The following GSN variants were observed in gnomAD, a reference collection of about 807,000 sequenced individuals.
The protein encoded by GSN is actin-depolymerizing factor.
Under a neutral mutation model 85.7 loss-of-function variants are expected in GSN, and 56 were observed. The observed-to-expected ratio is 0.65, with a 90% CI of 0.53 to 0.82. The LOEUF (loss-of-function observed/expected upper bound fraction) is 0.82, where lower values mean the gene tolerates loss of function less well. Among genes scored for constraint, GSN ranks in the 40% least tolerant of loss-of-function variants. The pLI is 0.00. For synonymous variants in GSN, 373 were observed against 399.1 expected, an observed-to-expected ratio of 0.93 and a Z score of 0.78; for missense variants, 857 against 979.8, an observed-to-expected ratio of 0.87 and a Z score of 1.67.
chr9:121,289,329 G>A (rs139784782), intron 2 of GSN, among the ~76,000 whole-genome samples: 39 of 152,240 alleles, frequency 2.6e-4, no homozygotes, highest in Non-Finnish European at 5.6e-4. Flanking sequence ...GGAAGGGTTT[G>A]CCAGGCCCCC....
At chr9:121,266,550 G>A (rs117019323), upstream of GSN, among the ~76,000 whole-genome samples, 3,095 of 152,304 alleles carry the variant, frequency 0.02, 47 homozygotes, top group Non-Finnish European at 0.03. Flanking sequence ...GTGGAACTGG[G>A]CAGAATTTCC....
chr9:121,202,199 C>T, the GSN span, among the ~76,000 whole-genome samples: 170 of 152,356 alleles, frequency 1.1e-3, no homozygotes, highest in African/African-American at 3.8e-3. Context: ...GGTTGTCGCT[C>T]GTGGAGACTT....
chr9:121,245,704 A>C (rs531693968), intron 5 of GSN, among the ~76,000 whole-genome samples: 3 of 152,308 alleles, frequency 2.0e-5, no homozygotes, highest in African/African-American at 7.2e-5. Flanking sequence ...AGCTATGCCT[A>C]CTAAAAATAA....
At chr9:121,286,229 A>G (rs1357133942) in intron 2 of GSN, 1 of 1,305,030 alleles carries the variant, frequency 7.7e-7, no homozygotes, top group Non-Finnish European at 1.1e-6. Context: ...GCCAGCTCAG[A>G]GGAGGGACGC....
chr9:121,244,160 G>A (rs1376460108), intron 5 of GSN, among the ~76,000 whole-genome samples: 1 of 152,190 alleles, frequency 6.6e-6, no homozygotes, highest in African/African-American at 2.4e-5. Flanking sequence ...CATCCATGTT[G>A]TAGTGGGTCA....
intron 6 of GSN, among the ~76,000 whole-genome samples, chr9:121,257,455 C>T (rs897870103): frequency 6.6e-6 from 1 of 152,208 alleles, no homozygotes. Context: ...CAGGCTTCCA[C>T]GAAGGTATGT....
At chr9:121,311,090 C>A (rs894938105) in intron 5 of GSN, 1 of 552,916 alleles carries the variant, frequency 1.8e-6, no homozygotes, top group Non-Finnish European at 3.3e-6. Flanking sequence ...TTCATATGTA[C>A]GTCTTGTGTC....
Position 121,301,642 on chromosome 9 carries a change from AAAG to A in GSN, c.-9-318_-9-316del, listed in dbSNP as rs2059867956. 4.6e-5 allele frequency among the ~76,000 whole-genome samples: 7 copies of A among 151,848 alleles called. No individual in the cohort carries two copies. The South Asian group carries it at 1.5e-3, about 32-fold the overall frequency. ...CTCTGTCTCAAAAAAAAAAAAAAAA[AAAG>A]AAAAAAAGAAAGAAAGAAAAGAAAG... On this transcript the variant is annotated intron_variant, in intron 2 of 17. Coordinates refer to ENST00000432226, the MANE Select transcript of GSN (RefSeq NM_198252.3).
At chr9:121,223,804 C>T (rs982901627) in intron 4 of GSN, among the ~76,000 whole-genome samples, 9 of 151,888 alleles carry the variant, frequency 5.9e-5, no homozygotes, top group African/African-American at 2.2e-4. Context: ...GGATTACAGG[C>T]GTGTGCCACC....
In GSN at chr9:121,238,965, C is replaced by T. The variant is rs1321567410; in HGVS notation, c.-389+7662C>T. 9.4e-6 allele frequency: 5 copies of T among 532,888 alleles called. No individual in the cohort carries two copies. The East Asian group carries it at 2.7e-4, about 29-fold the overall frequency. 33.0% of individuals were successfully genotyped at this position (532,888 alleles called of 1,614,324 possible). ...ACTTCATGAACAGTGATAGTTCAGG[C>T]AGCACATTGATAGGTGGGTAAATCT... On this transcript the variant is annotated intron_variant, in intron 5 of 24. Coordinates refer to the GSN transcript ENST00000373823.
chr9:121,296,840 C>A (rs779939694), intron 2 of GSN, among the ~76,000 whole-genome samples: 1 of 152,226 alleles, frequency 6.6e-6, no homozygotes, highest in Non-Finnish European at 1.5e-5. Flanking sequence ...TCCCAGAGGG[C>A]AAGGGTGGGG....
intron 1 of GSN, among the ~76,000 whole-genome samples, chr9:121,278,001 A>C (rs1218439944): frequency 6.6e-6 from 1 of 152,164 alleles, no homozygotes; most frequent in African/African-American, 2.4e-5. Flanking sequence ...GCCCTTTTAC[A>C]GAAAAAGTTT....
At chr9:121,321,932 G>A (rs1012097946) in intron 11 of GSN, among the ~76,000 whole-genome samples, 8 of 151,902 alleles carry the variant, frequency 5.3e-5, no homozygotes, top group Non-Finnish European at 1.2e-4. Flanking sequence ...TAGTAAAGAC[G>A]GGGTTTCACT....
chr9:121,295,053 A>G lies in GSN; in HGVS notation c.-9-6910A>G, dbSNP rs2059078218. 2.0e-5 allele frequency among the ~76,000 whole-genome samples: 3 copies of G among 152,168 alleles called. No homozygotes were observed. The South Asian group carries it at 6.2e-4, about 32-fold the overall frequency. ...CTAGCGTCTCACCGTGAAATCTGTAACGTTTCTCCCGCACCATCACATACC... is the reference window on the plus strand; with the variant it reads ...CTAGCGTCTCACCGTGAAATCTGTAGCGTTTCTCCCGCACCATCACATACC... On this transcript the variant is annotated intron_variant, in intron 2 of 17. Transcript: ENST00000432226.
intron 5 of GSN, among the ~76,000 whole-genome samples, chr9:121,240,688 C>G (rs1046172022): frequency 6.6e-6 from 1 of 152,100 alleles, no homozygotes; most frequent in Non-Finnish European, 1.5e-5. Context: ...GCTAGGGCCT[C>G]ATGGGGTAGA....
At chr9:121,317,628 A>G (rs1320005232) in intron 8 of GSN, 1 of 296,144 alleles carries the variant, frequency 3.4e-6, no homozygotes, top group Non-Finnish European at 6.6e-6. Context: ...TTTCATGAAG[A>G]TGATCTGGTT....
chr9:121,305,991 G>A (rs181572289), intron 4 of GSN, among the ~76,000 whole-genome samples: 1 of 152,324 alleles, frequency 6.6e-6, no homozygotes, highest in Admixed American at 6.5e-5. Flanking sequence ...ACTAGAAAGG[G>A]CTGACATGGG....
intron 6 of GSN, 100 bp from the exon 7 acceptor site, chr9:121,313,834 A>G: frequency 1.1e-6 from 1 of 914,366 alleles, no homozygotes; most frequent in Non-Finnish European, 1.8e-6. Flanking sequence ...GGAGGGTCAC[A>G]GTGGATGTCC....
At chr9:121,270,010 A>G (rs897395816) in intron 1 of GSN, among the ~76,000 whole-genome samples, 2 of 152,202 alleles carry the variant, frequency 1.3e-5, no homozygotes, top group African/African-American at 2.4e-5. Flanking sequence ...TTTGTGCCAT[A>G]TTAAGAGTGA....
Sources: allele counts gnomAD v4.1 joint callset (sites outside exome capture counted in the v4.1 genomes callset), GRCh38; gene constraint gnomAD v4.1.1; transcripts MANE v1.5; gene names NCBI Gene and HGNC (gene_info 2026-07-23, HGNC 2026-07-21).